The following PTPRG variants were observed in gnomAD, a reference collection of about 807,000 sequenced individuals.
PTPRG encodes receptor-type tyrosine-protein phosphatase gamma.
A neutral mutation model predicts 165.3 loss-of-function variants in PTPRG; 102 were observed. The observed-to-expected ratio is 0.62, with a 90% confidence interval of 0.53 to 0.73. The LOEUF (loss-of-function observed/expected upper bound fraction) is 0.73. Among genes scored for constraint, PTPRG ranks in the 30% least tolerant of loss-of-function variants. The pLI is 0.00. For synonymous variants in PTPRG, 675 were observed against 669.5 expected (o/e 1.01, Z -0.13); for missense variants, 1,866 against 1,861.4 (o/e 1.00, Z -0.05).
At chr3:61,619,500 C>T (rs1482773393) in intron 1 of PTPRG, among the ~76,000 whole-genome samples, 9 of 152,170 alleles carry the variant, frequency 5.9e-5, no homozygotes, top group Non-Finnish European at 1.0e-4. Flanking sequence ...CAGTAGTGCA[C>T]AGGACAGCCA....
intron 1 of PTPRG, chr3:61,742,647 T>G (rs572383345): frequency 6.2e-7 from 1 of 1,605,150 alleles, no homozygotes; most frequent in East Asian, 2.2e-5. Flanking sequence ...GGAACTTGAT[T>G]GTGGACTTCA....
intron 16 of PTPRG, among the ~76,000 whole-genome samples, chr3:62,256,903 A>C (rs901855732): frequency 6.6e-6 from 1 of 152,180 alleles, no homozygotes; most frequent in African/African-American, 2.4e-5. Context: ...AATCCTGGGC[A>C]TCTGTACCCT....
At chr3:61,739,027 G>T (rs1440398965) in intron 1 of PTPRG, 3 of 93,452 alleles carry the variant, frequency 3.2e-5, no homozygotes, top group Non-Finnish European at 4.0e-5. Flanking sequence ...GTCTTGCTTT[G>T]TTGCCTAGAC....
chr3:62,157,303 AC>A, intron 7 of PTPRG, 79 bp downstream of exon 7: 1 of 1,411,782 alleles, frequency 7.1e-7, no homozygotes, highest in Non-Finnish European at 9.7e-7. Flanking sequence ...GCTAGAGTAT[AC>A]CACTAAGGAA....
intron 2 of PTPRG, among the ~76,000 whole-genome samples, chr3:61,874,361 A>G (rs1359881380): frequency 6.6e-6 from 1 of 152,222 alleles, no homozygotes. Context: ...TAGCCAATGC[A>G]AATGTCTTTT....
At chr3:61,884,088 T>G (rs991050508) in intron 2 of PTPRG, among the ~76,000 whole-genome samples, 9 of 152,204 alleles carry the variant, frequency 5.9e-5, no homozygotes, top group African/African-American at 2.2e-4. Context: ...CATGACATAC[T>G]TAGGACATTT....
chr3:62,260,820 A>G (rs1252916382), intron 16 of PTPRG: 9 of 152,230 alleles, frequency 5.9e-5, no homozygotes, highest in Admixed American at 5.9e-4. Flanking sequence ...ATTATTATCT[A>G]CATGACAAAA....
At chr3:61,966,454 A>C (rs937135858) in intron 2 of PTPRG, among the ~76,000 whole-genome samples, 4 of 151,862 alleles carry the variant, frequency 2.6e-5, no homozygotes, top group Non-Finnish European at 5.9e-5. Flanking sequence ...GAATGTTGAT[A>C]GGTTGTGAAC....
chr3:62,230,629 C>G (rs879171795), intron 13 of PTPRG, among the ~76,000 whole-genome samples: 1 of 152,184 alleles, frequency 6.6e-6, no homozygotes, highest in Admixed American at 6.5e-5. Flanking sequence ...AAATATAGGA[C>G]TTAATATATA....
chr3:62,255,115 TC>T lies in PTPRG; in HGVS notation c.2468-3del. 3 of 1,604,686 alleles carry T rather than the reference TC, an allele frequency of 1.9e-6. No individual in the cohort carries two copies. Among genetic ancestry groups the T allele is most frequent in the Admixed American group, 1.7e-5 (1 of 59,008 alleles). On this transcript the variant is annotated splice_region_variant and splice_polypyrimidine_tract_variant and intron_variant, in intron 15 of 29. Transcript: ENST00000474889. This position sits in a 1 kb window ranked among gnomAD's most constrained non-coding sequence, Gnocchi z 4.0. The stretch of plus-strand genomic sequence containing the variant: ...TATGTAACTTTGAATATTATTTTAT[TC>T]CCCCCAGATGACATGGAAGCCATTC...
intron 1 of PTPRG, among the ~76,000 whole-genome samples, chr3:61,575,340 A>T (rs1444006340): frequency 6.6e-6 from 1 of 152,162 alleles, no homozygotes; most frequent in East Asian, 1.9e-4. Flanking sequence ...AATGGGGTTG[A>T]GGGAATGAGA....
chr3:61,931,108 C>CTT (rs1467268341), intron 2 of PTPRG, among the ~76,000 whole-genome samples: 1 of 152,154 alleles, frequency 6.6e-6, no homozygotes, highest in Non-Finnish European at 1.5e-5. Context: ...GGGCCATGTG[C>CTT]TGTGGTTCCT....
chr3:61,973,651 G>A (rs952333305), intron 2 of PTPRG, among the ~76,000 whole-genome samples: 2 of 151,948 alleles, frequency 1.3e-5, no homozygotes, highest in Non-Finnish European at 2.9e-5. Context: ...GGCCAACGTG[G>A]TGAAACCTCA....
chr3:62,090,280 G>T (rs540115719), intron 5 of PTPRG, among the ~76,000 whole-genome samples: 1 of 152,256 alleles, frequency 6.6e-6, no homozygotes, highest in African/African-American at 2.4e-5. Flanking sequence ...TGAGGTTTCA[G>T]TGAATTATTT....
rs765112298 is a variant in PTPRG at position 62,292,536 on chromosome 3, C to A, written c.4171C>A (p.Pro1391Thr). ...TGCAAAAATGATCAATCTTATGAGG[C>A]CTGGAGTATTCACAGACATTGTAAG... Reference protein sequence around the residue: ...QVAKMINLMRPGVFTDIEQYQ... With the variant: ...QVAKMINLMRTGVFTDIEQYQ... The change falls in exon 29 of 30, where the codon CCT becomes ACT. Residue 1391 changes from proline (P) to threonine (T), a missense_variant. By Grantham distance (38) the Pro-to-Thr change is conservative (BLOSUM62 -1). Coordinates refer to ENST00000474889, the MANE Select transcript of PTPRG (RefSeq NM_002841.4). 1 of 1,613,286 alleles carries A rather than the reference C, an allele frequency of 6.2e-7. No individual in the cohort carries two copies. The highest frequency in any genetic ancestry group is 1.7e-5 in the Admixed American group (1 of 59,970).
intron 2 of PTPRG, among the ~76,000 whole-genome samples, chr3:61,930,504 T>A (rs937110340): frequency 2.0e-4 from 31 of 152,282 alleles, no homozygotes; most frequent in Admixed American, 7.8e-4. Flanking sequence ...TCTTATGTGT[T>A]GCGTCTTACT....
intron 2 of PTPRG, among the ~76,000 whole-genome samples, chr3:61,902,522 C>A (rs1230268652): frequency 6.6e-6 from 1 of 152,090 alleles, no homozygotes; most frequent in Non-Finnish European, 1.5e-5. Flanking sequence ...AACTCACTAC[C>A]AATTAAACTG....
intron 13 of PTPRG, among the ~76,000 whole-genome samples, chr3:62,223,479 G>A (rs1218090999): frequency 6.6e-6 from 1 of 152,026 alleles, no homozygotes; most frequent in East Asian, 1.9e-4. Context: ...ATTAAAATTG[G>A]CACTGGGCAA....
At chr3:62,292,341 A>G (rs193275814) in intron 28 of PTPRG, 80 bp from the exon 29 acceptor site, 1 of 1,442,610 alleles carries the variant, frequency 6.9e-7, no homozygotes, top group East Asian at 2.3e-5. Context: ...TTTCTATGAA[A>G]ATACATGACA....
Sources: allele counts gnomAD v4.1 joint callset (sites outside exome capture counted in the v4.1 genomes callset), GRCh38; gene constraint gnomAD v4.1.1; non-coding constraint Gnocchi (gnomAD v3.1); transcripts MANE v1.5; gene names NCBI Gene and HGNC (gene_info 2026-07-23, HGNC 2026-07-21).